VAT1L: variants seen among roughly 807,000 people sequenced by gnomAD.
The protein encoded by VAT1L is vesicle amine transport 1 like.
VAT1L carries 34 observed loss-of-function variants against 44.1 expected under a neutral mutation model. The ratio of observed to expected loss-of-function variants is 0.77; its 90% confidence interval spans 0.59 to 1.03. VAT1L has a LOEUF of 1.03. Among genes scored for constraint, VAT1L ranks in the 50% least tolerant of loss-of-function variants. The probability of loss-of-function intolerance (pLI) is 0.00; values close to 1 mark genes in which losing one functional copy is unlikely to be tolerated. For synonymous variants in VAT1L, 253 were observed against 202.2 expected, an observed-to-expected ratio of 1.25 and a Z score of -2.13; for missense variants, 615 against 538.8, an observed-to-expected ratio of 1.14 and a Z score of -1.40.
chr16:77,907,914 G>A (rs2017454832), intron 7 of VAT1L, among the ~76,000 whole-genome samples: 1 of 152,150 alleles, frequency 6.6e-6, no homozygotes, highest in Non-Finnish European at 1.5e-5. Flanking sequence ...AGCAGTGAAA[G>A]ATTGAAATAT....
At chr16:77,887,052 G>C (rs1401811091) in intron 7 of VAT1L, among the ~76,000 whole-genome samples, 7 of 152,178 alleles carry the variant, frequency 4.6e-5, no homozygotes, top group Admixed American at 4.6e-4. Context: ...ATGCTGTAGA[G>C]AAACTTTAAA....
rs540670820 is a variant in VAT1L, at chr16:77,816,394, T to C, written c.234-527T>C. Among the ~76,000 whole-genome samples, 117 of 152,302 alleles carry C rather than the reference T, an allele frequency of 7.7e-4. 3 individuals are homozygous for C. In the South Asian group the frequency reaches 0.024, roughly 31 times the overall value. ...CACCATTGTGGGAGCTGTTTATGCATAGTGCTGATGTAAGTGTGTGTGATG... is the reference window on the plus strand; with the variant it reads ...CACCATTGTGGGAGCTGTTTATGCACAGTGCTGATGTAAGTGTGTGTGATG... On this transcript the variant is annotated intron_variant, in intron 1 of 8. Transcript: ENST00000302536.
chr16:77,931,747 C>T (rs1163197768), intron 7 of VAT1L, among the ~76,000 whole-genome samples: 2 of 152,168 alleles, frequency 1.3e-5, no homozygotes, highest in Non-Finnish European at 2.9e-5. Context: ...ATGAAAATCA[C>T]ACAGCTGGAA....
At chr16:77,799,970 C>T (rs2016017312) in intron 1 of VAT1L, 1 of 152,132 alleles carries the variant, frequency 6.6e-6, no homozygotes, top group South Asian at 2.1e-4. Flanking sequence ...TTCTAGTAAA[C>T]ATGACCTTCC....
intron 3 of VAT1L, among the ~76,000 whole-genome samples, chr16:77,861,868 G>A (rs1457009693): frequency 6.6e-6 from 1 of 152,226 alleles, no homozygotes; most frequent in Non-Finnish European, 1.5e-5. Flanking sequence ...GGGTTCCCCA[G>A]AGGGATTGAG....
At chr16:77,971,260 G>T (rs2018275069) in intron 7 of VAT1L, among the ~76,000 whole-genome samples, 1 of 152,138 alleles carries the variant, frequency 6.6e-6, no homozygotes, top group South Asian at 2.1e-4. Context: ...ACACCTGTTG[G>T]CCTGGCAAGC....
chr16:77,882,013 G>A (rs988868796), intron 6 of VAT1L: 2 of 152,254 alleles, frequency 1.3e-5, no homozygotes, highest in East Asian at 3.9e-4. Context: ...GGATGGGGAT[G>A]GAGATTCCTC....
chr16:77,916,791 G>C (rs901560098), intron 7 of VAT1L, among the ~76,000 whole-genome samples: 2 of 142,450 alleles, frequency 1.4e-5, no homozygotes, highest in African/African-American at 5.1e-5. Context: ...ACTACACTGC[G>C]CTTTGCTCTT....
intron 7 of VAT1L, among the ~76,000 whole-genome samples, chr16:77,916,844 C>A (rs955680541): frequency 4.6e-5 from 7 of 151,452 alleles, no homozygotes; most frequent in African/African-American, 1.7e-4. Context: ...TCAAAGCAAC[C>A]CCTGTCATTC....
intron 2 of VAT1L, among the ~76,000 whole-genome samples, chr16:77,820,970 C>G (rs1351620172): frequency 2.6e-5 from 4 of 152,156 alleles, no homozygotes; most frequent in Admixed American, 2.6e-4. Context: ...ACTGGTTTTC[C>G]CCTTTAGACC....
chr16:77,796,799 C>G (rs940937120), intron 1 of VAT1L, among the ~76,000 whole-genome samples: 1 of 152,114 alleles, frequency 6.6e-6, no homozygotes, highest in African/African-American at 2.4e-5. Context: ...GGCTTTTCTA[C>G]AAAATGGAAT....
At chr16:77,955,597 C>T (rs1025462313) in intron 7 of VAT1L, among the ~76,000 whole-genome samples, 2 of 151,994 alleles carry the variant, frequency 1.3e-5, no homozygotes, top group East Asian at 1.9e-4. Context: ...TGATGGCACT[C>T]GTCTGTAACC....
intron 7 of VAT1L, among the ~76,000 whole-genome samples, chr16:77,920,170 G>C (rs1330258177): frequency 1.3e-5 from 2 of 152,196 alleles, no homozygotes; most frequent in African/African-American, 4.8e-5. Flanking sequence ...GGATTGCACA[G>C]AGCTGCCAAG....
At chr16:77,799,158 A>C (rs1388043888) in intron 1 of VAT1L, among the ~76,000 whole-genome samples, 2 of 151,780 alleles carry the variant, frequency 1.3e-5, no homozygotes, top group African/African-American at 4.8e-5. Flanking sequence ...GGTCCTTTGC[A>C]AATCACATAC....
chr16:77,858,637 C>G (rs1188109999), intron 3 of VAT1L, among the ~76,000 whole-genome samples: 1 of 152,136 alleles, frequency 6.6e-6, no homozygotes, highest in Non-Finnish European at 1.5e-5. Flanking sequence ...AGGAGTGAAG[C>G]AGATCAAGCT....
intron 7 of VAT1L, among the ~76,000 whole-genome samples, chr16:77,890,473 C>T (rs1422716430): frequency 1.3e-5 from 2 of 152,102 alleles, no homozygotes; most frequent in East Asian, 1.9e-4. Context: ...CTTCTCCTTT[C>T]CCTGAGGCCC....
chr16:77,913,698 A>G (rs905185610), intron 7 of VAT1L, among the ~76,000 whole-genome samples: 1 of 152,150 alleles, frequency 6.6e-6, no homozygotes, highest in Non-Finnish European at 1.5e-5. Context: ...ATTCTTTGAC[A>G]TGGTTGGAGG....
chr16:77,868,883 C>G, intron 4 of VAT1L, among the ~76,000 whole-genome samples: 1 of 152,050 alleles, frequency 6.6e-6, no homozygotes, highest in East Asian at 1.9e-4. Context: ...GCCAGTGGCA[C>G]CCCCCTGCCC....
intron 1 of VAT1L, among the ~76,000 whole-genome samples, chr16:77,791,411 G>A (rs1189814037): frequency 2.0e-5 from 3 of 152,182 alleles, no homozygotes; most frequent in African/African-American, 7.2e-5. Flanking sequence ...GAAAATGGAA[G>A]AGATGAGGCA....
Sources: allele counts gnomAD v4.1 joint callset (sites outside exome capture counted in the v4.1 genomes callset), GRCh38; gene constraint gnomAD v4.1.1; transcripts MANE v1.5; gene names NCBI Gene and HGNC (gene_info 2026-07-23, HGNC 2026-07-21).